Variants in SLC38A10 observed in about 807,000 individuals in gnomAD.
SLC38A10 encodes the protein Sodium-coupled neutral amino acid transporter 10.
In SLC38A10, 53 loss-of-function variants were observed where a neutral mutation model predicts 81.0. The ratio of observed to expected loss-of-function variants is 0.65; its 90% CI spans 0.53 to 0.82. SLC38A10 has a LOEUF of 0.82. Ranked by LOEUF, SLC38A10 falls within the 40% of genes least tolerant of loss-of-function variation. The pLI, the probability that SLC38A10 is intolerant of heterozygous loss-of-function variation, is 0.00. For synonymous variants in SLC38A10, 665 were observed against 655.3 expected (o/e 1.01, Z -0.23); for missense variants, 1,471 against 1,545.0 (o/e 0.95, Z 0.80).
intron 10 of SLC38A10, chr17:81,263,173 C>G (rs1281098270): frequency 2.0e-5 from 3 of 152,230 alleles, no homozygotes; most frequent in Non-Finnish European, 4.4e-5. Context: ...GAACTCAGCC[C>G]CAAGTCCAAG....
intron 14 of SLC38A10, among the ~76,000 whole-genome samples, chr17:81,250,296 G>A (rs1013015796): frequency 1.2e-4 from 19 of 152,246 alleles, no homozygotes; most frequent in South Asian, 4.1e-4. Context: ...AGCTCCGGGA[G>A]CCCAGGGGGC....
chr17:81,272,592 C>CAT lies in SLC38A10; in HGVS notation c.946_947dup (p.Met316IlefsTer50). On this transcript the variant is annotated frameshift_variant, in exon 9 of 16. Coordinates refer to ENST00000374759, the MANE Select transcript of SLC38A10 (RefSeq NM_001037984.3). LOFTEE classifies it high-confidence loss of function. ...TAAGTGCTTTAAACCGGAGAGGGGG[C>CAT]ATGTAGCCCCCTGCTGCAAAGGTGC... is the stretch of plus-strand genomic sequence containing the variant. The CAT allele has an allele frequency of 6.4e-7, 1 of 1,570,446 alleles. No individual in the cohort carries two copies. The highest frequency in any genetic ancestry group is 8.6e-7 in the Non-Finnish European group (1 of 1,162,084).
chr17:81,272,475 G>C (rs200165869), intron 9 of SLC38A10, 41 bp downstream of exon 9: 2 of 1,375,364 alleles, frequency 1.5e-6, no homozygotes, highest in Non-Finnish European at 9.9e-7. Flanking sequence ...CCGAAGCCCC[G>C]GGTCCCACTC....
Position 81,265,952 on chromosome 17 carries a change from G to A in SLC38A10, c.1131+4966C>T, listed in dbSNP as rs192078664. 3.9e-5 allele frequency among the ~76,000 whole-genome samples: 6 copies of A among 152,342 alleles called. No individual in the cohort carries two copies. The highest frequency in any genetic ancestry group is 1.4e-4 in the African/African-American group (6 of 41,582). On this transcript the variant is annotated intron_variant, in intron 10 of 15. Coordinates refer to ENST00000374759, the MANE Select transcript of SLC38A10 (RefSeq NM_001037984.3). This position sits in a 1 kb window ranked among gnomAD's most constrained non-coding sequence, Gnocchi z 4.2. Reference sequence around the variant, plus strand: ...AACTGCGGTGAATGTGATTCAGTGCGCTTTCTAGCTTCCAAAAGACATGGC... The same window carrying A: ...AACTGCGGTGAATGTGATTCAGTGCACTTTCTAGCTTCCAAAAGACATGGC...
Position 81,294,956 on chromosome 17 carries a change from C to CG in SLC38A10, c.-36dup. On this transcript the variant is annotated 5_prime_UTR_variant, in exon 1 of 16. Coordinates refer to ENST00000374759, the MANE Select transcript of SLC38A10 (RefSeq NM_001037984.3). ...TCTAGGGGCCCGGGGCGAGAGGCCT[C>CG]GGGGGTCGCCGGGCTGCGGCCGGCT... is the stretch of plus-strand genomic sequence containing the variant. The CG allele has an allele frequency of 6.5e-7, 1 of 1,539,204 alleles. No individual in the cohort carries two copies. Among genetic ancestry groups the CG allele is most frequent in the Non-Finnish European group, 8.7e-7 (1 of 1,145,928 alleles).
At position 81,251,401 on chromosome 17, in the gene SLC38A10, C is replaced by T. The variant is rs2062911161; in HGVS notation, c.2065+92G>A. On this transcript the variant is annotated intron_variant, in intron 14 of 15. Coordinates refer to ENST00000374759, the MANE Select transcript of SLC38A10 (RefSeq NM_001037984.3). Reference sequence around the variant, plus strand: ...AAGAGAAGGGGGGCCTGGCAGGGCTCCCGAGGATGACCTGGGCATCACCCC... The same window carrying T: ...AAGAGAAGGGGGGCCTGGCAGGGCTTCCGAGGATGACCTGGGCATCACCCC... 8.1e-6 allele frequency: 13 copies of T among 1,611,708 alleles called. No homozygotes were observed. The East Asian group carries it at 2.9e-4, about 36-fold the overall frequency.
intron 1 of SLC38A10, among the ~76,000 whole-genome samples, chr17:81,293,281 C>A (rs1227561265): frequency 6.6e-6 from 1 of 152,242 alleles, no homozygotes; most frequent in African/African-American, 2.4e-5. Flanking sequence ...TGGAGTCAGT[C>A]CAGAAACACC....
At chr17:81,254,460 T>A (rs1207821080) in intron 11 of SLC38A10, among the ~76,000 whole-genome samples, 2 of 152,214 alleles carry the variant, frequency 1.3e-5, no homozygotes, top group Non-Finnish European at 2.9e-5. Flanking sequence ...AATTCAACTT[T>A]TTTTTAAGAT....
Position 81,283,715 on chromosome 17 carries a change from G to A in SLC38A10, c.264-213C>T, listed in dbSNP as rs953239155. 5.9e-5 allele frequency among the ~76,000 whole-genome samples: 9 copies of A among 151,418 alleles called. No homozygotes were observed. Among genetic ancestry groups the A allele is most frequent in the Non-Finnish European group, 8.8e-5 (6 of 67,930 alleles). On this transcript the variant is annotated intron_variant, in intron 3 of 15. Coordinates refer to ENST00000374759, the MANE Select transcript of SLC38A10 (RefSeq NM_001037984.3). This position sits in a 1 kb window ranked among gnomAD's most constrained non-coding sequence, Gnocchi z 4.7. ...TGCAAGCTCCGCCTCCCAGGTTCACGCCATTCTCCTGCCTCAGCCTCCCGA... is the reference window on the plus strand; with the variant it reads ...TGCAAGCTCCGCCTCCCAGGTTCACACCATTCTCCTGCCTCAGCCTCCCGA...
chr17:81,270,923 A>C lies in SLC38A10; in HGVS notation c.1126T>G (p.Ser376Ala). 1 of 1,613,766 alleles carries C rather than the reference A, an allele frequency of 6.2e-7. No homozygotes were observed. The highest frequency in any genetic ancestry group is 8.5e-7 in the Non-Finnish European group (1 of 1,179,868). Reference sequence around the variant, plus strand: ...ACCCCACGAGCAGCACGCACCTGGGAGGAAAGTGCGTTCTTGTGGATTTTC... The same window carrying C: ...ACCCCACGAGCAGCACGCACCTGGGCGGAAAGTGCGTTCTTGTGGATTTTC... Reference protein sequence around the residue: ...YKKIHKNALSSQVVLWVGLGV... With the variant: ...YKKIHKNALSAQVVLWVGLGV... Residue 376 changes from serine to alanine, a missense_variant, in exon 10 of 16, where the codon TCC becomes GCC. Transcript: ENST00000374759. This position sits in a 1 kb window ranked among gnomAD's most constrained non-coding sequence, Gnocchi z 4.0.
intron 8 of SLC38A10, among the ~76,000 whole-genome samples, chr17:81,273,848 C>T (rs746257116): frequency 1.3e-5 from 2 of 152,172 alleles, no homozygotes; most frequent in East Asian, 3.9e-4. Flanking sequence ...GGAAGCAGAG[C>T]CCCTGCAGGC....
Position 81,260,289 on chromosome 17 carries a change from G to A in SLC38A10, c.1237C>T (p.Arg413Trp), listed in dbSNP as rs539061325. 2.6e-5 allele frequency: 42 copies of A among 1,606,210 alleles called. No homozygotes were observed. The South Asian group carries it at 3.0e-4, about 12-fold the overall frequency. ...EDLAEEAPGG[R>W]LGEAEGLMKV... ...ATCAAACCCTCGGCCTCTCCAAGCCGGCCGCCAGGGGCTTCCTCTGCCAAG... is the reference window on the plus strand; with the variant it reads ...ATCAAACCCTCGGCCTCTCCAAGCCAGCCGCCAGGGGCTTCCTCTGCCAAG... Residue 413 changes from arginine to tryptophan, a missense_variant, in exon 11 of 16, where the codon CGG (arginine) becomes TGG (tryptophan). Arg to Trp is a moderately radical substitution (Grantham distance 101). Transcript: ENST00000374759.
chr17:81,294,721 G>C, intron 1 of SLC38A10, 102 bp downstream of exon 1: 2 of 1,106,766 alleles, frequency 1.8e-6, no homozygotes, highest in South Asian at 2.0e-5. Flanking sequence ...CACCCGCCCA[G>C]CGAAGCCCTG....
At position 81,277,154 on chromosome 17, in the gene SLC38A10, T is replaced by C. The variant is rs533549634; in HGVS notation, c.627-21A>G. On this transcript the variant is annotated intron_variant, in intron 6 of 15. Coordinates refer to ENST00000374759, the MANE Select transcript of SLC38A10 (RefSeq NM_001037984.3). This position sits in a 1 kb window ranked among gnomAD's most constrained non-coding sequence, Gnocchi z 4.5. ...CCTGGCTGTATAGAAACAGGCCATT[T>C]CACAGCGGACCTGAGAGAGGCACGC... The C allele has an allele frequency of 9.7e-5, 156 of 1,611,780 alleles. 2 individuals are homozygous for C. The South Asian group carries it at 1.4e-3, about 15-fold the overall frequency.
In SLC38A10 at chr17:81,282,346, G is replaced by C; in HGVS notation, c.358-14C>G. The C allele has an allele frequency of 6.3e-7, 1 of 1,599,646 alleles. No individual in the cohort carries two copies. Among genetic ancestry groups the C allele is most frequent in the African/African-American group, 1.3e-5 (1 of 74,912 alleles). ...GGTGCCGCCCACCTGCGGGGAGCCG[G>C]CAGGGGGTCTTGGCCACAGCCCGTG... On this transcript the variant is annotated splice_polypyrimidine_tract_variant and intron_variant, in intron 4 of 15. Transcript: ENST00000374759.
At chr17:81,274,215 G>A (rs1256010644) in intron 8 of SLC38A10, among the ~76,000 whole-genome samples, 1 of 152,220 alleles carries the variant, frequency 6.6e-6, no homozygotes, top group Non-Finnish European at 1.5e-5. Context: ...CCCGTGCCCA[G>A]GTGCCTGAAC....
At chr17:81,251,672 G>C in intron 13 of SLC38A10, 60 bp from the exon 14 acceptor site, 3 of 1,438,064 alleles carry the variant, frequency 2.1e-6, no homozygotes, top group East Asian at 2.5e-5. Context: ...GGTTTGGGGG[G>C]TTGGGGGACA....
intron 10 of SLC38A10, among the ~76,000 whole-genome samples, chr17:81,266,306 C>T (rs1463079079): frequency 2.0e-5 from 3 of 152,222 alleles, no homozygotes; most frequent in South Asian, 2.1e-4. Context: ...CTTCCCTTTA[C>T]ACAAACAGCC....
chr17:81,260,071 TG>T (rs1269355379), intron 11 of SLC38A10, among the ~76,000 whole-genome samples, 166 bp downstream of exon 11: 1 of 152,190 alleles, frequency 6.6e-6, no homozygotes, highest in African/African-American at 2.4e-5. Flanking sequence ...CAGCCAGCCA[TG>T]GTGCACAGAG....
Sources: allele counts gnomAD v4.1 joint callset (sites outside exome capture counted in the v4.1 genomes callset), GRCh38; gene constraint gnomAD v4.1.1; non-coding constraint Gnocchi (gnomAD v3.1); transcripts MANE v1.5; gene names NCBI Gene and HGNC (gene_info 2026-07-23, HGNC 2026-07-21).